ZBTB20: variants seen among roughly 807,000 people sequenced by gnomAD.
ZBTB20 encodes zinc finger and BTB domain containing 20.
In ZBTB20, 9 loss-of-function variants were observed where a neutral mutation model predicts 56.9. The ratio of observed to expected loss-of-function variants is 0.16; its 90% CI spans 0.10 to 0.28. The LOEUF is 0.28. ZBTB20 is among the 10% of genes least tolerant of loss of function. The pLI, the probability that ZBTB20 is intolerant of heterozygous loss-of-function variation, is 1.00. For missense variants in ZBTB20, 655 were observed against 1,003.0 expected, an observed-to-expected ratio of 0.65 and a Z score of 4.69; for synonymous variants, 417 against 420.7, an observed-to-expected ratio of 0.99 and a Z score of 0.11.
chr3:114,655,987 G>T (rs2060387434), intron 6 of ZBTB20, among the ~76,000 whole-genome samples: 1 of 152,124 alleles, frequency 6.6e-6, no homozygotes, highest in African/African-American at 2.4e-5. Flanking sequence ...TCACCCTGAA[G>T]CACTCACTGC....
At chr3:114,400,551 G>A (rs1031373787) in intron 7 of ZBTB20, among the ~76,000 whole-genome samples, 2 of 152,112 alleles carry the variant, frequency 1.3e-5, no homozygotes, top group African/African-American at 4.8e-5. Context: ...CTCCCAGCAC[G>A]CTGCAGAGAA....
intron 11 of ZBTB20, among the ~76,000 whole-genome samples, chr3:114,341,924 C>T (rs574856450): frequency 5.3e-5 from 8 of 152,344 alleles, no homozygotes; most frequent in African/African-American, 1.9e-4. Flanking sequence ...AATGCATTAA[C>T]AGTCTCACAT....
chr3:114,643,514 C>T (rs2059669960), intron 6 of ZBTB20, among the ~76,000 whole-genome samples: 1 of 152,020 alleles, frequency 6.6e-6, no homozygotes, highest in Admixed American at 6.5e-5. Flanking sequence ...TGCATTTTGG[C>T]AAAGAGTGAA....
chr3:114,431,520 T>C (rs752081105), intron 7 of ZBTB20, among the ~76,000 whole-genome samples: 7 of 152,246 alleles, frequency 4.6e-5, no homozygotes, highest in Non-Finnish European at 1.0e-4. Flanking sequence ...TAAAGTTATT[T>C]ATTATTTACA....
chr3:115,046,468 C>T (rs2081337537), intron 2 of ZBTB20, among the ~76,000 whole-genome samples: 1 of 152,060 alleles, frequency 6.6e-6, no homozygotes, highest in African/African-American at 2.4e-5. Flanking sequence ...TCTCAGTGAT[C>T]GTTGAGCCAT....
intron 6 of ZBTB20, among the ~76,000 whole-genome samples, chr3:114,678,995 C>G (rs370962723): frequency 2.0e-5 from 3 of 152,178 alleles, no homozygotes; most frequent in South Asian, 4.2e-4. Flanking sequence ...AGGTAAGGTC[C>G]TAGGTGCTTA....
chr3:115,075,770 T>C (rs754335747), intron 1 of ZBTB20, among the ~76,000 whole-genome samples: 6 of 152,096 alleles, frequency 3.9e-5, no homozygotes, highest in Non-Finnish European at 8.8e-5. Context: ...GTACTGGAAG[T>C]CTTACCCAGG....
rs1400781656 is a variant in ZBTB20 at position 114,331,541 on chromosome 3, C to A, written c.*7464G>T. 2 of 152,152 alleles carry A rather than the reference C, an allele frequency of 1.3e-5. No homozygotes were observed. The highest frequency in any genetic ancestry group is 2.9e-5 in the Non-Finnish European group (2 of 68,032). The allele number at this position is 152,152 out of a possible 1,614,324, so 9.4% of individuals were successfully genotyped here. A position where few individuals can be genotyped will look rare whatever the true frequency, so the allele number is the denominator to read the frequency against. On this transcript the variant is annotated 3_prime_UTR_variant, in exon 12 of 12. Coordinates refer to ENST00000675478, the MANE Select transcript of ZBTB20 (RefSeq NM_001348800.3). ...CTGTGTGTGCTTCCTTTGGGGGGCA[C>A]ACACACTTCCAGATGACAATAAGTA...
At chr3:114,470,401 G>A (rs1233886008) in intron 7 of ZBTB20, among the ~76,000 whole-genome samples, 1 of 152,036 alleles carries the variant, frequency 6.6e-6, no homozygotes, top group East Asian at 1.9e-4. Flanking sequence ...ATGTTTTATA[G>A]TAGTTAGTTT....
At chr3:114,935,345 G>T (rs939962852) in intron 3 of ZBTB20, among the ~76,000 whole-genome samples, 1 of 152,136 alleles carries the variant, frequency 6.6e-6, no homozygotes, top group Admixed American at 6.5e-5. Context: ...AGACACACTT[G>T]AGGAAGCTCT....
chr3:114,809,433 C>T (rs1027114411), intron 4 of ZBTB20, among the ~76,000 whole-genome samples: 6 of 151,900 alleles, frequency 3.9e-5, no homozygotes, highest in African/African-American at 1.4e-4. Context: ...CTTTATTCTG[C>T]CATCTTAAAT....
intron 6 of ZBTB20, among the ~76,000 whole-genome samples, chr3:114,616,234 G>A (rs1194471261): frequency 6.6e-6 from 1 of 152,070 alleles, no homozygotes; most frequent in Non-Finnish European, 1.5e-5. Context: ...GCTAACACTG[G>A]AACATACACA....
intron 7 of ZBTB20, among the ~76,000 whole-genome samples, chr3:114,429,553 G>A (rs1559778019): frequency 6.6e-6 from 1 of 152,174 alleles, no homozygotes; most frequent in Non-Finnish European, 1.5e-5. Context: ...GTCTCTGAGA[G>A]GGTATTGAGG....
At chr3:114,612,264 C>G (rs1414328696) in intron 6 of ZBTB20, among the ~76,000 whole-genome samples, 1 of 152,184 alleles carries the variant, frequency 6.6e-6, no homozygotes, top group East Asian at 1.9e-4. Flanking sequence ...GTAGTACTCA[C>G]TACCTTTCGT....
At chr3:114,720,053 G>A (rs1177212303) in intron 5 of ZBTB20, among the ~76,000 whole-genome samples, 1 of 150,090 alleles carries the variant, frequency 6.7e-6, no homozygotes, top group Admixed American at 6.7e-5. Flanking sequence ...AGAAATGTAG[G>A]AGAAATAATT....
At chr3:114,650,061 A>T (rs2060048492) in intron 6 of ZBTB20, among the ~76,000 whole-genome samples, 1 of 151,988 alleles carries the variant, frequency 6.6e-6, no homozygotes, top group Non-Finnish European at 1.5e-5. Flanking sequence ...AAAATGGATA[A>T]GAGTATCATG....
intron 7 of ZBTB20, among the ~76,000 whole-genome samples, chr3:114,452,529 G>A (rs1170411753): frequency 1.3e-5 from 2 of 152,042 alleles, no homozygotes; most frequent in South Asian, 2.1e-4. Flanking sequence ...AAGGTTTCCC[G>A]AAAAGACTCC....
intron 7 of ZBTB20, among the ~76,000 whole-genome samples, chr3:114,491,625 G>T (rs2042763078): frequency 1.3e-5 from 2 of 152,088 alleles, no homozygotes; most frequent in Admixed American, 1.3e-4. Context: ...GGCCTTATCA[G>T]TAATCTTATA....
At chr3:114,685,333 A>C (rs2108276735) in intron 6 of ZBTB20, among the ~76,000 whole-genome samples, 1 of 152,302 alleles carries the variant, frequency 6.6e-6, no homozygotes, top group African/African-American at 2.4e-5. Context: ...AGCTGTATCA[A>C]GCCTCATGAT....
Sources: allele counts gnomAD v4.1 joint callset (sites outside exome capture counted in the v4.1 genomes callset), GRCh38; gene constraint gnomAD v4.1.1; transcripts MANE v1.5; gene names NCBI Gene and HGNC (gene_info 2026-07-23, HGNC 2026-07-21).